LINGO2: variants seen among roughly 807,000 people sequenced by gnomAD.
LINGO2 encodes the protein leucine rich repeat and Ig domain containing 2.
Under a neutral mutation model 30.6 loss-of-function variants are expected in LINGO2, and 14 were observed. The observed-to-expected ratio is 0.46, with a 90% CI of 0.30 to 0.72. LINGO2 has a LOEUF of 0.72. Ranked by LOEUF, LINGO2 falls within the 30% of genes least tolerant of loss-of-function variation. The pLI is 0.07. For missense variants in LINGO2, 729 were observed against 751.7 expected, an observed-to-expected ratio of 0.97 and a Z score of 0.35; for synonymous variants, 317 against 288.5, an observed-to-expected ratio of 1.10 and a Z score of -1.00.
chr9:29,179,048 G>T, the LINGO2 span, among the ~76,000 whole-genome samples: 1 of 150,984 alleles, frequency 6.6e-6, no homozygotes, highest in Non-Finnish European at 1.5e-5. Flanking sequence ...GCTGGTTGAG[G>T]CTATTGACAT....
chr9:28,072,814 C>T (rs545157163), intron 4 of LINGO2, among the ~76,000 whole-genome samples: 2 of 152,072 alleles, frequency 1.3e-5, no homozygotes, highest in East Asian at 3.9e-4. Flanking sequence ...TGGGGCTGGG[C>T]CACTTAATGA....
intron 3 of LINGO2, among the ~76,000 whole-genome samples, chr9:28,309,767 A>AT (rs1824535719): frequency 6.6e-6 from 1 of 152,060 alleles, no homozygotes; most frequent in Non-Finnish European, 1.5e-5. Flanking sequence ...TGCAAGTTAC[A>AT]TAAAAAACTC....
chr9:28,246,082 T>C (rs1821987825), intron 4 of LINGO2, among the ~76,000 whole-genome samples: 1 of 152,112 alleles, frequency 6.6e-6, no homozygotes, highest in Non-Finnish European at 1.5e-5. Flanking sequence ...ACTATGGTAC[T>C]GGTACCAAAA....
intron 1 of LINGO2, among the ~76,000 whole-genome samples, chr9:28,612,646 C>G (rs1375194251): frequency 6.6e-6 from 1 of 152,100 alleles, no homozygotes; most frequent in East Asian, 1.9e-4. Flanking sequence ...TGCCTTTATT[C>G]CCATTGTATC....
chr9:29,188,840 CG>C, the LINGO2 span, among the ~76,000 whole-genome samples: 11,577 of 136,046 alleles, frequency 0.085, 1,625 homozygotes, highest in African/African-American at 0.16. Context: ...CTGACCCCCC[CG>C]CCACCTTCCT....
chr9:28,232,141 G>C (rs748579561), intron 4 of LINGO2, among the ~76,000 whole-genome samples: 6 of 152,096 alleles, frequency 3.9e-5, no homozygotes, highest in Non-Finnish European at 7.4e-5. Flanking sequence ...GCTCATGCCT[G>C]TAATCCAAGA....
chr9:28,101,016 C>G (rs1460000354), intron 4 of LINGO2, among the ~76,000 whole-genome samples: 1 of 151,710 alleles, frequency 6.6e-6, no homozygotes, highest in Non-Finnish European at 1.5e-5. Context: ...AGCAACTGCT[C>G]CTTTGAATAT....
In LINGO2 at chr9:28,589,483, C is replaced by G. The variant is rs571123390; in HGVS notation, c.-365+80717G>C. Among the ~76,000 whole-genome samples the G allele has an allele frequency of 1.4e-3, 217 of 152,036 alleles. 1 individual carries two copies. The highest frequency in any genetic ancestry group is 2.2e-3 in the Non-Finnish European group (152 of 67,982). On this transcript the variant is annotated intron_variant, in intron 1 of 5. Transcript: ENST00000379992. ...GGATACAAAATCAATGTACAAAAAT[C>G]ACAAGCATTCTTATACACCAATAAC... is the stretch of plus-strand genomic sequence containing the variant.
chr9:29,013,528 T>C, the LINGO2 span, among the ~76,000 whole-genome samples: 1 of 152,032 alleles, frequency 6.6e-6, no homozygotes, highest in African/African-American at 2.4e-5. Flanking sequence ...CCATAGACTA[T>C]GAAACATGGA....
chr9:29,044,925 C>G, the LINGO2 span, among the ~76,000 whole-genome samples: 1 of 152,034 alleles, frequency 6.6e-6, no homozygotes, highest in African/African-American at 2.4e-5. Flanking sequence ...TAACAACATA[C>G]TCTAGTACAA....
At chr9:28,878,234 C>A in the LINGO2 span, among the ~76,000 whole-genome samples, 3 of 152,084 alleles carry the variant, frequency 2.0e-5, no homozygotes. Context: ...ACTAGAAAAT[C>A]TAGAAGAAAT....
the LINGO2 span, among the ~76,000 whole-genome samples, chr9:28,874,690 C>G: frequency 6.6e-6 from 1 of 151,998 alleles, no homozygotes; most frequent in African/African-American, 2.4e-5. Context: ...CATAAAACAC[C>G]TTCCAGCTCT....
chr9:28,531,130 C>T (rs115163186), intron 1 of LINGO2, among the ~76,000 whole-genome samples: 4,458 of 150,742 alleles, frequency 0.03, 230 homozygotes, highest in African/African-American at 0.1. Context: ...CTAACAGTAA[C>T]TGAAATAATT....
intron 3 of LINGO2, among the ~76,000 whole-genome samples, chr9:28,327,432 A>G (rs545183283): frequency 6.6e-6 from 1 of 152,290 alleles, no homozygotes; most frequent in East Asian, 1.9e-4. Flanking sequence ...GGAAGAATGA[A>G]TGGCTTTTTC....
the LINGO2 span, among the ~76,000 whole-genome samples, chr9:29,126,594 G>A: frequency 6.6e-6 from 1 of 151,948 alleles, no homozygotes. Context: ...TTCTGTTGCA[G>A]GTATTTCTAT....
At chr9:28,029,535 C>G (rs1220251053) in intron 4 of LINGO2, among the ~76,000 whole-genome samples, 1 of 152,172 alleles carries the variant, frequency 6.6e-6, no homozygotes, top group Non-Finnish European at 1.5e-5. Context: ...TGAGTACCAG[C>G]AGCAGGAGCA....
intron 4 of LINGO2, among the ~76,000 whole-genome samples, chr9:28,154,392 A>G (rs1828079815): frequency 6.6e-6 from 1 of 152,212 alleles, no homozygotes; most frequent in Admixed American, 6.5e-5. Context: ...TCAAAGATGA[A>G]CACATGCAGA....
intron 1 of LINGO2, among the ~76,000 whole-genome samples, chr9:28,487,789 G>A (rs1165427328): frequency 6.6e-6 from 1 of 152,082 alleles, no homozygotes; most frequent in East Asian, 1.9e-4. Flanking sequence ...TACAGCTGCA[G>A]CCATTAACCG....
chr9:28,519,863 C>G (rs564913882), intron 1 of LINGO2, among the ~76,000 whole-genome samples: 5 of 152,160 alleles, frequency 3.3e-5, no homozygotes, highest in Admixed American at 2.0e-4. Flanking sequence ...TTTGCCCAGC[C>G]CTTGATCCCC....
Sources: gnomAD v4.1 joint callset for allele counts (sites outside exome capture counted in the v4.1 genomes callset) on GRCh38, gnomAD v4.1.1 for gene constraint, MANE v1.5 for transcripts, NCBI Gene and HGNC (gene_info 2026-07-23, HGNC 2026-07-21) for gene names.